STARD9: variants seen among roughly 807,000 people sequenced by gnomAD.
The protein encoded by STARD9 is StAR related lipid transfer domain containing 9, also known as stAR-related lipid transfer protein 9.
In STARD9, 346 loss-of-function variants were observed where a neutral mutation model predicts 399.8. The ratio of observed to expected loss-of-function variants is 0.87; its 90% CI spans 0.79 to 0.95. The LOEUF is 0.95. STARD9 is among the 40% of genes least tolerant of loss of function. STARD9 has a pLI of 0.00. For synonymous variants in STARD9, 2,203 were observed against 2,143.5 expected (o/e 1.03, Z -0.77); for missense variants, 5,832 against 5,667.5 (o/e 1.03, Z -0.93).
intron 13 of STARD9, among the ~76,000 whole-genome samples, chr15:42,664,813 CA>C: frequency 6.6e-6 from 1 of 152,030 alleles, no homozygotes; most frequent in Non-Finnish European, 1.5e-5. Context: ...CACACACACA[CA>C]CACACACACA....
intron 26 of STARD9, among the ~76,000 whole-genome samples, chr15:42,704,695 G>C (rs942809430): frequency 1.2e-4 from 18 of 152,188 alleles, no homozygotes; most frequent in Non-Finnish European, 8.8e-5. Context: ...TGGTAATGCT[G>C]GCCAGGGCCC....
intron 20 of STARD9, among the ~76,000 whole-genome samples, chr15:42,679,551 C>A (rs975960638): frequency 6.6e-5 from 10 of 152,178 alleles, no homozygotes; most frequent in Admixed American, 5.2e-4. Context: ...TTCCCCCGGG[C>A]TATTCCACCT....
chr15:42,684,046 T>G, intron 22 of STARD9, 70 bp from the exon 23 acceptor site: 1 of 1,453,766 alleles, frequency 6.9e-7, no homozygotes, highest in Non-Finnish European at 9.1e-7. Context: ...GGCCTTGTTT[T>G]TAACCTCCTT....
At chr15:42,604,031 T>C (rs1300518976) in intron 3 of STARD9, among the ~76,000 whole-genome samples, 2 of 151,838 alleles carry the variant, frequency 1.3e-5, no homozygotes. Flanking sequence ...AAGGAGGGGG[T>C]TTGTTTGGGG....
Position 42,691,394 on chromosome 15 carries a change from T to C in STARD9, c.9816T>C (p.Thr3272=). The C allele has an allele frequency of 2.0e-6, 3 of 1,537,244 alleles. No individual in the cohort carries two copies. Among genetic ancestry groups the C allele is most frequent in the Non-Finnish European group, 2.6e-6 (3 of 1,146,906 alleles). ...CACAGGGCTTCAAAGACCCAGCCAC[T>C]GTGTCCTTGAGGCAAAATGAAACAC... ...ILSQGFKDPA[T]VSLRQNETPQ... Residue 3272 remains threonine, a synonymous_variant, in exon 23 of 33, where the codon ACT becomes ACC. Coordinates refer to ENST00000290607, the MANE Select transcript of STARD9 (RefSeq NM_020759.3).
chr15:42,712,720 CAG>C (rs1327959627), intron 26 of STARD9, among the ~76,000 whole-genome samples: 2 of 152,140 alleles, frequency 1.3e-5, no homozygotes, highest in Admixed American at 1.3e-4. Context: ...GTGTGTGTGA[CAG>C]GGTCTCGCTA....
intron 3 of STARD9, among the ~76,000 whole-genome samples, chr15:42,587,581 G>C (rs927531254): frequency 2.6e-5 from 4 of 151,854 alleles, no homozygotes; most frequent in African/African-American, 7.3e-5. Context: ...TTTATTTTTT[G>C]GGGGGATGGA....
At chr15:42,639,379 T>C (rs1448750620) in intron 7 of STARD9, among the ~76,000 whole-genome samples, 1 of 152,274 alleles carries the variant, frequency 6.6e-6, no homozygotes, top group East Asian at 1.9e-4. Flanking sequence ...CCAGTCCCCT[T>C]TCTCTGCCAT....
chr15:42,648,394 C>G (rs920726720), intron 7 of STARD9, among the ~76,000 whole-genome samples: 2 of 152,234 alleles, frequency 1.3e-5, no homozygotes, highest in African/African-American at 4.8e-5. Flanking sequence ...AACTCCTGAC[C>G]GAAAGTAATC....
At chr15:42,652,909 C>A (rs1476243896) in intron 9 of STARD9, among the ~76,000 whole-genome samples, 1 of 152,114 alleles carries the variant, frequency 6.6e-6, no homozygotes, top group African/African-American at 2.4e-5. Context: ...AACTCCTGAC[C>A]TCAGATGATC....
In STARD9 at chr15:42,717,758, C is replaced by G. The variant is rs1217239184; in HGVS notation, c.13522C>G (p.His4508Asp). ...AATGGCTGCTTGTTCGGATAATTTG[C>G]ACAACCTCTTCAGCTGCCAGGCAAC... ...DVMAACSDNL[H>D]NLFSCQATAG... The change falls in exon 29 of 33, where the codon CAC (histidine) becomes GAC (aspartate). Residue 4508 changes from histidine (H) to aspartate (D), a missense_variant. Transcript: ENST00000290607. 4 of 1,537,088 alleles carry G rather than the reference C, an allele frequency of 2.6e-6. No individual in the cohort carries two copies. The highest frequency in any genetic ancestry group is 2.6e-6 in the Non-Finnish European group (3 of 1,146,914).
chr15:42,614,724 T>G (rs942467558), intron 3 of STARD9, among the ~76,000 whole-genome samples: 7 of 152,086 alleles, frequency 4.6e-5, no homozygotes, highest in African/African-American at 1.7e-4. Flanking sequence ...CCCACCACTT[T>G]GGGAGGCCGA....
At chr15:42,624,127 A>G (rs1414736686) in intron 3 of STARD9, among the ~76,000 whole-genome samples, 2 of 152,178 alleles carry the variant, frequency 1.3e-5, no homozygotes, top group Admixed American at 1.3e-4. Context: ...CACAGATGAC[A>G]CTTTCCCTTG....
chr15:42,619,429 G>A (rs567578847), intron 3 of STARD9, among the ~76,000 whole-genome samples: 1 of 152,104 alleles, frequency 6.6e-6, no homozygotes, highest in African/African-American at 2.4e-5. Flanking sequence ...GCCGGGCATG[G>A]TGGCACACAT....
intron 27 of STARD9, 27 bp downstream of exon 27, chr15:42,716,791 G>GC (rs1456276146): frequency 6.5e-7 from 1 of 1,529,754 alleles, no homozygotes; most frequent in South Asian, 1.2e-5. Flanking sequence ...GTTGGGCATA[G>GC]CCAGCTGCCT....
chr15:42,646,199 A>G (rs1398258948), intron 7 of STARD9, among the ~76,000 whole-genome samples: 2 of 152,096 alleles, frequency 1.3e-5, no homozygotes, highest in East Asian at 1.9e-4. Flanking sequence ...GATAATAATA[A>G]TAATAAAATA....
At chr15:42,634,791 A>G (rs2141915520) in intron 3 of STARD9, 65 bp from the exon 4 acceptor site, 1 of 705,812 alleles carries the variant, frequency 1.4e-6, no homozygotes, top group Non-Finnish European at 2.2e-6. Context: ...AGATTAGAAA[A>G]TAATTCTAAA....
chr15:42,674,606 G>A, intron 17 of STARD9, 115 bp downstream of exon 17: 2 of 1,217,564 alleles, frequency 1.6e-6, no homozygotes, highest in Non-Finnish European at 2.3e-6. Flanking sequence ...CGTATTCAGG[G>A]CCTGCTTCTC....
rs146154921 is a variant in STARD9 at position 42,600,446 on chromosome 15, C to T, written c.234+14809C>T. Among the ~76,000 whole-genome samples the T allele has an allele frequency of 1.7e-4, 26 of 152,022 alleles. No individual in the cohort carries two copies. The East Asian group carries it at 5.0e-3, about 29-fold the overall frequency. Reference sequence around the variant, plus strand: ...TTATCTATTATATGCCAGGGATGGGCTAGGTGCTGGGTAAACAAATGGGGG... The same window carrying T: ...TTATCTATTATATGCCAGGGATGGGTTAGGTGCTGGGTAAACAAATGGGGG... On this transcript the variant is annotated intron_variant, in intron 3 of 32. Coordinates refer to ENST00000290607, the MANE Select transcript of STARD9 (RefSeq NM_020759.3).
Sources: gnomAD v4.1 joint callset for allele counts (sites outside exome capture counted in the v4.1 genomes callset) on GRCh38, gnomAD v4.1.1 for gene constraint, MANE v1.5 for transcripts, NCBI Gene and HGNC (gene_info 2026-07-23, HGNC 2026-07-21) for gene names.